MAGI1: variants seen among roughly 807,000 people sequenced by gnomAD.
MAGI1 encodes the protein membrane associated guanylate kinase, WW and PDZ domain containing 1.
In MAGI1, 58 loss-of-function variants were observed where a neutral mutation model predicts 139.9. The ratio of observed to expected loss-of-function variants is 0.41; its 90% CI spans 0.34 to 0.52. MAGI1 has a LOEUF of 0.52. Ranked by LOEUF, MAGI1 falls within the 20% of genes least tolerant of loss-of-function variation. The pLI is 0.12. For synonymous variants in MAGI1, 812 were observed against 737.9 expected (o/e 1.10, Z -1.63); for missense variants, 1,874 against 1,901.6 (o/e 0.99, Z 0.27).
At chr3:65,438,076 T>C (rs990918758) in intron 9 of MAGI1, among the ~76,000 whole-genome samples, 1 of 152,186 alleles carries the variant, frequency 6.6e-6, no homozygotes, top group Admixed American at 6.5e-5. Context: ...TACCTACACT[T>C]GTATGTTTAC....
chr3:65,835,232 AT>A (rs1429603803), intron 1 of MAGI1, among the ~76,000 whole-genome samples: 6 of 152,252 alleles, frequency 3.9e-5, no homozygotes, highest in Non-Finnish European at 8.8e-5. Context: ...TTTCTACAAT[AT>A]TTTTAAGTGC....
rs1380503587 is a variant in MAGI1 at position 65,355,196 on chromosome 3, A to G, written c.*1182T>C. On this transcript the variant is annotated 3_prime_UTR_variant, in exon 23 of 23. Coordinates refer to ENST00000402939, the MANE Select transcript of MAGI1 (RefSeq NM_001033057.2). ...TTTGTGCTGCTGTCCAAAGGACTCAAAGGACAGAGTCATGAGGCAGAAGTT... is the reference window on the plus strand; with the variant it reads ...TTTGTGCTGCTGTCCAAAGGACTCAGAGGACAGAGTCATGAGGCAGAAGTT... The G allele has an allele frequency of 6.6e-6, 1 of 152,326 alleles. No individual in the cohort carries two copies. The highest frequency in any genetic ancestry group is 2.4e-5 in the African/African-American group (1 of 41,452). The allele number at this position is 152,326 out of a possible 1,614,324, so 9.4% of individuals were successfully genotyped here.
chr3:65,535,987 G>T (rs1227524523), intron 2 of MAGI1, among the ~76,000 whole-genome samples: 1 of 152,160 alleles, frequency 6.6e-6, no homozygotes, highest in African/African-American at 2.4e-5. Flanking sequence ...ACCATGAGGG[G>T]CACATGGGAA....
chr3:65,753,656 G>C (rs530129044), intron 1 of MAGI1, among the ~76,000 whole-genome samples: 2 of 150,526 alleles, frequency 1.3e-5, no homozygotes, highest in East Asian at 2.0e-4. Context: ...GGGAGGCAGA[G>C]GTTCCAGTGA....
At chr3:65,849,800 G>A (rs2059144010) in intron 1 of MAGI1, among the ~76,000 whole-genome samples, 1 of 152,104 alleles carries the variant, frequency 6.6e-6, no homozygotes, top group Non-Finnish European at 1.5e-5. Context: ...AACATTAACT[G>A]AGCTAAAATA....
intron 1 of MAGI1, among the ~76,000 whole-genome samples, chr3:65,875,763 G>A (rs2060092832): frequency 6.6e-6 from 1 of 152,166 alleles, no homozygotes; most frequent in South Asian, 2.1e-4. Flanking sequence ...GAAGATAAAG[G>A]AATAATAACA....
chr3:65,956,059 G>C (rs2107017700), intron 1 of MAGI1, among the ~76,000 whole-genome samples: 1 of 152,128 alleles, frequency 6.6e-6, no homozygotes, highest in South Asian at 2.1e-4. Flanking sequence ...CAAAACACCA[G>C]GACATCAAAC....
At chr3:66,030,249 C>G (rs1399280772) in intron 1 of MAGI1, among the ~76,000 whole-genome samples, 1 of 152,206 alleles carries the variant, frequency 6.6e-6, no homozygotes, top group African/African-American at 2.4e-5. Flanking sequence ...TAAACTCTAA[C>G]CAACTTTAAT....
intron 1 of MAGI1, among the ~76,000 whole-genome samples, chr3:65,959,606 T>TATC (rs1195341109): frequency 8.3e-6 from 1 of 120,514 alleles, no homozygotes; most frequent in Non-Finnish European, 1.8e-5. Context: ...GCATTTTTAT[T>TATC]ATTATTATTA....
chr3:65,565,407 T>A (rs2080567071), intron 2 of MAGI1, among the ~76,000 whole-genome samples: 1 of 152,104 alleles, frequency 6.6e-6, no homozygotes, highest in Admixed American at 6.5e-5. Flanking sequence ...ACAGTAGTAG[T>A]TAAGAAAATC....
chr3:65,840,136 A>T (rs1473618567), intron 1 of MAGI1, among the ~76,000 whole-genome samples: 1 of 134,742 alleles, frequency 7.4e-6, no homozygotes, highest in Non-Finnish European at 1.6e-5. Flanking sequence ...GAACTCCTTT[A>T]TTAGTTCTAA....
At chr3:65,495,168 G>A (rs1430506679) in intron 2 of MAGI1, among the ~76,000 whole-genome samples, 1 of 152,146 alleles carries the variant, frequency 6.6e-6, no homozygotes, top group African/African-American at 2.4e-5. Context: ...TCTGGAGTGG[G>A]AATCCTAGGT....
At chr3:65,465,400 T>C (rs1950105171) in intron 5 of MAGI1, among the ~76,000 whole-genome samples, 2 of 151,824 alleles carry the variant, frequency 1.3e-5, no homozygotes, top group Admixed American at 6.6e-5. Context: ...AGAACATCCA[T>C]TGGCCATTTA....
At chr3:65,692,408 T>A (rs1193908387) in intron 1 of MAGI1, among the ~76,000 whole-genome samples, 1 of 152,164 alleles carries the variant, frequency 6.6e-6, no homozygotes, top group Non-Finnish European at 1.5e-5. Flanking sequence ...TGGGTGAAAC[T>A]GTGCCTCCCT....
chr3:65,829,553 TC>T lies in MAGI1; in HGVS notation c.314-207466del, dbSNP rs771961433. Reference sequence around the variant, plus strand: ...TCTGCTGGTGCCTTGATCTTGGACTTCCCAGCTCCCAGAAGTGTGAGCAATA... The same window carrying T: ...TCTGCTGGTGCCTTGATCTTGGACTTCCAGCTCCCAGAAGTGTGAGCAATA... On this transcript the variant is annotated intron_variant, in intron 1 of 22. Coordinates refer to ENST00000402939, the MANE Select transcript of MAGI1 (RefSeq NM_001033057.2). Among the ~76,000 whole-genome samples, 83 of 152,208 alleles carry T rather than the reference TC, an allele frequency of 5.5e-4. 1 individual carries two copies. The highest frequency in any genetic ancestry group is 1.6e-4 in the Non-Finnish European group (11 of 68,042).
At chr3:65,464,762 A>C (rs1455357290) in intron 5 of MAGI1, among the ~76,000 whole-genome samples, 1 of 151,972 alleles carries the variant, frequency 6.6e-6, no homozygotes, top group Admixed American at 6.6e-5. Context: ...ACTTTATTAA[A>C]TGTAGTTATT....
chr3:65,595,174 G>A (rs750386448), intron 2 of MAGI1, among the ~76,000 whole-genome samples: 3 of 152,180 alleles, frequency 2.0e-5, no homozygotes, highest in Non-Finnish European at 4.4e-5. Context: ...TAGAAAACAA[G>A]GGGAAAGGAG....
chr3:65,473,744 A>G (rs891311599), intron 4 of MAGI1, among the ~76,000 whole-genome samples: 1 of 132,852 alleles, frequency 7.5e-6, no homozygotes, highest in African/African-American at 2.5e-5. Context: ...AATTTCCTGG[A>G]GGAAAAAAAA....
chr3:65,656,386 T>C (rs960508814), intron 1 of MAGI1, among the ~76,000 whole-genome samples: 1 of 152,200 alleles, frequency 6.6e-6, no homozygotes, highest in African/African-American at 2.4e-5. Flanking sequence ...TGAAGTCTGG[T>C]GTCCGTTTTC....
Sources: gnomAD v4.1 joint callset for allele counts (sites outside exome capture counted in the v4.1 genomes callset) on GRCh38, gnomAD v4.1.1 for gene constraint, MANE v1.5 for transcripts, NCBI Gene and HGNC (gene_info 2026-07-23, HGNC 2026-07-21) for gene names.